The following THSD7B variants were observed in gnomAD, a reference collection of about 807,000 sequenced individuals.
THSD7B encodes the protein thrombospondin type-1 domain-containing protein 7B.
THSD7B carries 138 observed loss-of-function variants against 213.6 expected under a neutral mutation model. That is an observed-to-expected ratio of 0.65 (90% CI 0.56 to 0.74). THSD7B has a LOEUF of 0.74. THSD7B is among the 30% of genes least tolerant of loss of function. THSD7B has a pLI of 0.00. For missense variants in THSD7B, 1,931 were observed against 1,991.5 expected (o/e 0.97, Z 0.58); for synonymous variants, 742 against 687.0 (o/e 1.08, Z -1.25).
intron 10 of THSD7B, among the ~76,000 whole-genome samples, chr2:137,246,149 G>A (rs190927487): frequency 2.8e-4 from 43 of 152,248 alleles, no homozygotes; most frequent in Non-Finnish European, 5.4e-4. Flanking sequence ...TAAACTGAGA[G>A]GTCAGGAAGA....
intron 21 of THSD7B, among the ~76,000 whole-genome samples, chr2:137,644,881 A>G (rs1003647505): frequency 2.0e-5 from 3 of 152,186 alleles, no homozygotes; most frequent in Non-Finnish European, 4.4e-5. Flanking sequence ...GGGTGTGCCA[A>G]TTCTGCCAGT....
chr2:137,025,952 G>T (rs1403762152), intron 2 of THSD7B, among the ~76,000 whole-genome samples: 3 of 152,078 alleles, frequency 2.0e-5, no homozygotes, highest in Non-Finnish European at 4.4e-5. Flanking sequence ...GTCACATAAA[G>T]AATACACTCA....
At chr2:136,825,718 A>ATTTTTTTTTTTT (rs55814718) in intron 1 of THSD7B, among the ~76,000 whole-genome samples, 28 of 116,890 alleles carry the variant, frequency 2.4e-4, no homozygotes, top group African/African-American at 8.7e-4. Flanking sequence ...TGCCTGGCTA[A>ATTTTTTTTTTTT]TTTTTTTTTT....
At chr2:136,961,088 C>CAAAAAAAA (rs57328048) in intron 2 of THSD7B, among the ~76,000 whole-genome samples, 1 of 39,078 alleles carries the variant, frequency 2.6e-5, no homozygotes, top group Admixed American at 5.1e-4. Context: ...GACTCCGTCT[C>CAAAAAAAA]AAAAAAAAAA....
intron 2 of THSD7B, among the ~76,000 whole-genome samples, chr2:136,935,258 C>T (rs1021684691): frequency 2.1e-4 from 32 of 151,998 alleles, no homozygotes; most frequent in African/African-American, 7.3e-4. Context: ...TTGAGTGAGA[C>T]CCTTTTGAAC....
chr2:136,791,028 A>G (rs1427043382), intron 1 of THSD7B, among the ~76,000 whole-genome samples: 2 of 152,078 alleles, frequency 1.3e-5, no homozygotes. Flanking sequence ...GTGGGACATG[A>G]CATGGCTGTC....
intron 12 of THSD7B, among the ~76,000 whole-genome samples, chr2:137,329,267 C>T (rs1327395466): frequency 1.3e-5 from 2 of 152,170 alleles, no homozygotes; most frequent in Admixed American, 6.5e-5. Context: ...AAAGGTCACT[C>T]TTGTTATGTA....
intron 1 of THSD7B, among the ~76,000 whole-genome samples, chr2:136,824,368 C>T (rs192381325): frequency 2.0e-5 from 3 of 151,606 alleles, no homozygotes; most frequent in African/African-American, 7.3e-5. Flanking sequence ...TATAAGCTCC[C>T]TTTGATTATT....
intron 3 of THSD7B, among the ~76,000 whole-genome samples, chr2:137,079,941 G>A (rs7570497): frequency 0.2 from 29,786 of 151,904 alleles, 4,413 homozygotes; most frequent in African/African-American, 0.41. Flanking sequence ...CCGGATTCAG[G>A]CGATTCTCTT....
At chr2:137,141,684 CGT>C (rs66506919) in intron 5 of THSD7B, among the ~76,000 whole-genome samples, 3,082 of 150,562 alleles carry the variant, frequency 0.02, 115 homozygotes, top group African/African-American at 0.069. Flanking sequence ...TGTGTATGTG[CGT>C]GTGTGTGTGT....
intron 14 of THSD7B, among the ~76,000 whole-genome samples, chr2:137,440,885 C>A (rs1687394416): frequency 6.6e-6 from 1 of 152,062 alleles, no homozygotes; most frequent in Non-Finnish European, 1.5e-5. Context: ...TTATATGTTT[C>A]TGAATCCCAT....
chr2:137,245,400 G>C (rs554317047), intron 10 of THSD7B, among the ~76,000 whole-genome samples: 1 of 152,134 alleles, frequency 6.6e-6, no homozygotes, highest in Non-Finnish European at 1.5e-5. Flanking sequence ...TTGTATAGTT[G>C]TATAGTTTGC....
chr2:137,127,398 C>G (rs1000728411), intron 5 of THSD7B, among the ~76,000 whole-genome samples: 1 of 152,050 alleles, frequency 6.6e-6, no homozygotes, highest in Non-Finnish European at 1.5e-5. Context: ...CACTGCATAC[C>G]TAATGATACT....
At chr2:137,641,467 A>C (rs1195272194) in intron 20 of THSD7B, among the ~76,000 whole-genome samples, 1 of 152,204 alleles carries the variant, frequency 6.6e-6, no homozygotes, top group Non-Finnish European at 1.5e-5. Context: ...ATTTATCACA[A>C]ATACAATTAC....
intron 14 of THSD7B, among the ~76,000 whole-genome samples, chr2:137,442,125 G>A (rs1051189672): frequency 6.6e-6 from 1 of 151,986 alleles, no homozygotes; most frequent in Non-Finnish European, 1.5e-5. Flanking sequence ...TTTTATCCCA[G>A]ATGACATAAG....
At chr2:137,283,885 C>A (rs1294125670) in intron 12 of THSD7B, among the ~76,000 whole-genome samples, 5 of 152,106 alleles carry the variant, frequency 3.3e-5, no homozygotes, top group African/African-American at 1.2e-4. Flanking sequence ...CTCTTCCCAG[C>A]TTTGGTATCA....
intron 1 of THSD7B, among the ~76,000 whole-genome samples, chr2:136,829,983 T>G (rs1283322360): frequency 6.6e-6 from 1 of 152,022 alleles, no homozygotes; most frequent in East Asian, 1.9e-4. Context: ...CCACTGGGTA[T>G]TATAGTCTGT....
At chr2:137,412,642 A>T (rs1686691499) in intron 14 of THSD7B, among the ~76,000 whole-genome samples, 1 of 150,746 alleles carries the variant, frequency 6.6e-6, no homozygotes, top group South Asian at 2.1e-4. Context: ...TTTACTATAT[A>T]AAGTATAAGT....
intron 5 of THSD7B, among the ~76,000 whole-genome samples, chr2:137,159,405 G>A (rs1679968876): frequency 6.6e-6 from 1 of 151,578 alleles, no homozygotes; most frequent in African/African-American, 2.4e-5. Flanking sequence ...TCCAGCCTGG[G>A]TGACAGGGTG....
Sources: allele counts gnomAD v4.1 joint callset (sites outside exome capture counted in the v4.1 genomes callset), GRCh38; gene constraint gnomAD v4.1.1; transcripts MANE v1.5; gene names NCBI Gene and HGNC (gene_info 2026-07-23, HGNC 2026-07-21).